The following CCDC197 variants were observed in gnomAD, a reference collection of about 807,000 sequenced individuals.
CCDC197 encodes the protein uncharacterized protein CCDC197.
Under a neutral mutation model 13.4 loss-of-function variants are expected in CCDC197, and 24 were observed. The ratio of observed to expected loss-of-function variants is 1.80; its 90% CI spans 1.30 to 2.53. CCDC197 has a LOEUF of 2.53. CCDC197 is among the 30% of genes most tolerant of loss of function. The pLI, the probability that CCDC197 is intolerant of heterozygous loss-of-function variation, is 0.00. For synonymous variants in CCDC197, 99 were observed against 55.5 expected (o/e 1.78, Z -3.48); for missense variants, 255 against 148.8 (o/e 1.71, Z -3.71).
At position 93,998,258 on chromosome 14, in the gene CCDC197, C is replaced by T. The variant is rs376600872; in HGVS notation, c.104+23C>T. ...TAAGTATGTGTTGTCCCACCCCTGC[C>T]CCAGCCCCAGCCCCAGTGCTTCCCC... On this transcript the variant is annotated intron_variant, in intron 2 of 6. Coordinates refer to ENST00000636493, the MANE Select transcript of CCDC197 (RefSeq NM_001351596.2). 9.1e-6 allele frequency: 7 copies of T among 767,442 alleles called. No individual in the cohort carries two copies. The African/African-American group carries it at 1.2e-4, about 13-fold the overall frequency. 47.5% of individuals were successfully genotyped at this position (767,442 alleles called of 1,614,324 possible). A position where few individuals can be genotyped will look rare whatever the true frequency, so the allele number is the denominator to read the frequency against.
chr14:94,008,034 G>A (rs1890735317), intron 6 of CCDC197, among the ~76,000 whole-genome samples: 1 of 152,236 alleles, frequency 6.6e-6, no homozygotes, highest in African/African-American at 2.4e-5. Context: ...GCAAAGAAAT[G>A]AGATTTCTGA....
At chr14:94,011,140 G>C (rs762551715), downstream of CCDC197, among the ~76,000 whole-genome samples, 5 of 152,160 alleles carry the variant, frequency 3.3e-5, no homozygotes, top group African/African-American at 4.8e-5. Flanking sequence ...CCCTCTGCAC[G>C]ATGGGGCTGG....
At chr14:94,011,099 C>A (rs1179119077), downstream of CCDC197, among the ~76,000 whole-genome samples, 1 of 152,170 alleles carries the variant, frequency 6.6e-6, no homozygotes. Flanking sequence ...CCACTGTAAC[C>A]ACCAACTACC....
Position 93,998,130 on chromosome 14 carries a change from T to A in CCDC197, c.-2T>A. 2.6e-6 allele frequency: 2 copies of A among 780,524 alleles called. No individual in the cohort carries two copies. The highest frequency in any genetic ancestry group is 4.8e-6 in the Non-Finnish European group (2 of 418,076). The allele number at this position is 780,524 out of a possible 1,614,324, so 48.3% of individuals were successfully genotyped here. On this transcript the variant is annotated 5_prime_UTR_variant, in exon 2 of 7. Coordinates refer to ENST00000636493, the MANE Select transcript of CCDC197 (RefSeq NM_001351596.2). ...TCCTGCATAGCTTGCGGTGGTGAGG[T>A]GATGGCAGCCATGGACACAGGCCAG...
chr14:94,004,723 C>T (rs1890631308), intron 5 of CCDC197, 132 bp from the exon 6 acceptor site: 1 of 610,494 alleles, frequency 1.6e-6, no homozygotes, highest in South Asian at 2.0e-5. Context: ...GGAATATAGA[C>T]CATGATGAGA....
At chr14:94,002,725 C>T (rs141947817) in intron 4 of CCDC197, among the ~76,000 whole-genome samples, 6,039 of 151,724 alleles carry the variant, frequency 0.04, 214 homozygotes, top group African/African-American at 0.092. Context: ...TGGTGGTGTG[C>T]GCCTATAATC....
chr14:94,009,208 G>A (rs1890769179), downstream of CCDC197, among the ~76,000 whole-genome samples: 1 of 152,234 alleles, frequency 6.6e-6, no homozygotes, highest in African/African-American at 2.4e-5. Context: ...AGAGCCACCA[G>A]GGCCATGGGA....
Position 93,998,162 on chromosome 14 carries a change from G to C in CCDC197, c.31G>C (p.Asp11His), listed in dbSNP as rs573640223. 60 of 780,844 alleles carry C rather than the reference G, an allele frequency of 7.7e-5. No individual in the cohort carries two copies. The East Asian group carries it at 1.4e-3, about 18-fold the overall frequency. 48.4% of individuals were successfully genotyped at this position (780,844 alleles called of 1,614,324 possible). A position where few individuals can be genotyped will look rare whatever the true frequency, so the allele number is the denominator to read the frequency against. The change falls in exon 2 of 7, where the codon GAC becomes CAC. Residue 11 changes from aspartate (D) to histidine (H), a missense_variant. By Grantham distance (81) the Asp-to-His change is moderately conservative. Coordinates refer to ENST00000636493, the MANE Select transcript of CCDC197 (RefSeq NM_001351596.2). ...AGCCATGGACACAGGCCAGAGAGCT[G>C]ACCCAAGCAATCCTGGTGACAAGGA... MAAMDTGQRA[D>H]PSNPGDKEGD... is the part of the protein sequence containing the mutation.
upstream of CCDC197, among the ~76,000 whole-genome samples, chr14:93,994,923 C>G (rs1439202686): frequency 1.3e-5 from 2 of 152,204 alleles, no homozygotes; most frequent in African/African-American, 4.8e-5. Flanking sequence ...AAGGTCCTAA[C>G]CACTCAACCT....
At position 94,008,676 on chromosome 14, in the gene CCDC197, G is replaced by A. The variant is rs1286003713; in HGVS notation, c.683G>A (p.Trp228Ter). ...IALLTEPKVC[W>*]SWDSFGDQWL... ...CTGCTCACGGAACCCAAAGTGTGCT[G>A]GTCATGGGACAGCTTCGGGGACCAG... The change falls in exon 7 of 7, where the codon TGG becomes TAG. Residue 228 changes from tryptophan (W) to a stop codon, truncating the protein, a stop_gained. Transcript: ENST00000636493. LOFTEE classifies it low-confidence loss of function (END_TRUNC). 1 of 703,020 alleles carries A rather than the reference G, an allele frequency of 1.4e-6. No homozygotes were observed. Among genetic ancestry groups the A allele is most frequent in the South Asian group, 1.5e-5 (1 of 67,600 alleles). 43.5% of individuals were successfully genotyped at this position (703,020 alleles called of 1,614,324 possible). A position where few individuals can be genotyped will look rare whatever the true frequency, so the allele number is the denominator to read the frequency against.
chr14:94,001,002 T>A (rs545379935), intron 3 of CCDC197, 143 bp from the exon 4 acceptor site: 116 of 529,038 alleles, frequency 2.2e-4, no homozygotes, highest in Admixed American at 3.5e-4. Flanking sequence ...CCCGGGACCA[T>A]CCTACTGTCT....
chr14:93,999,189 A>C, intron 2 of CCDC197: 1 of 180,454 alleles, frequency 5.5e-6, no homozygotes, highest in Non-Finnish European at 1.2e-5. Context: ...TAGATGGGCA[A>C]CCCGGGCACA....
chr14:94,000,303 A>G (rs1230366956), intron 3 of CCDC197, among the ~76,000 whole-genome samples: 2 of 152,168 alleles, frequency 1.3e-5, no homozygotes, highest in Non-Finnish European at 2.9e-5. Flanking sequence ...ACTCAGGCTC[A>G]GAGAGGGTAA....
At chr14:93,995,765 CT>C (rs898288225), upstream of CCDC197, among the ~76,000 whole-genome samples, 6 of 152,138 alleles carry the variant, frequency 3.9e-5, no homozygotes, top group African/African-American at 1.4e-4. Context: ...CCCTGAGCCC[CT>C]GTCCTCTCTG....
In CCDC197 at chr14:94,005,629, C is replaced by T. The variant is rs190305702; in HGVS notation, c.615+658C>T. ...TTGAGATATAATTCACATACCATAA[C>T]ATTTAGCCCTTACAATTATGCATGT... On this transcript the variant is annotated intron_variant, in intron 6 of 6. Coordinates refer to ENST00000636493, the MANE Select transcript of CCDC197 (RefSeq NM_001351596.2). 1.3e-3 allele frequency among the ~76,000 whole-genome samples: 203 copies of T among 152,314 alleles called. 1 individual carries two copies. The highest frequency in any genetic ancestry group is 4.0e-4 in the Non-Finnish European group (27 of 68,020).
At chr14:93,996,444 C>T (rs375299262), upstream of CCDC197, among the ~76,000 whole-genome samples, 3 of 152,154 alleles carry the variant, frequency 2.0e-5, no homozygotes, top group Non-Finnish European at 4.4e-5. Flanking sequence ...CCAGCCCGAG[C>T]CTTTGATCCA....
chr14:93,992,892 C>T (rs1457941237), upstream of CCDC197, among the ~76,000 whole-genome samples: 4 of 152,110 alleles, frequency 2.6e-5, no homozygotes, highest in East Asian at 3.9e-4. Flanking sequence ...GAGGTGGGGC[C>T]CCAGCACAGC....
At chr14:94,006,838 T>C (rs1890694060) in intron 6 of CCDC197, among the ~76,000 whole-genome samples, 1 of 152,226 alleles carries the variant, frequency 6.6e-6, no homozygotes, top group Non-Finnish European at 1.5e-5. Context: ...TTTGCTTGTT[T>C]GTTTGAGACA....
upstream of CCDC197, among the ~76,000 whole-genome samples, chr14:93,996,406 G>T (rs1567041232): frequency 6.6e-6 from 1 of 152,024 alleles, no homozygotes; most frequent in Non-Finnish European, 1.5e-5. Context: ...CCCTGCCCCT[G>T]CCCCTGAGCC....
Sources: gnomAD v4.1 joint callset for allele counts (sites outside exome capture counted in the v4.1 genomes callset) on GRCh38, gnomAD v4.1.1 for gene constraint, MANE v1.5 for transcripts, NCBI Gene and HGNC (gene_info 2026-07-23, HGNC 2026-07-21) for gene names.